The following INIP variants were observed in gnomAD, a reference collection of about 807,000 sequenced individuals.
INIP encodes the protein SOSS complex subunit C.
In INIP, 9 loss-of-function variants were observed where a neutral mutation model predicts 14.0. The ratio of observed to expected loss-of-function variants is 0.64; its 90% CI spans 0.39 to 1.12. The LOEUF (loss-of-function observed/expected upper bound fraction) is 1.12, where lower values mean the gene tolerates loss of function less well. Among genes scored for constraint, INIP ranks in the 50% most tolerant of loss-of-function variants. The pLI, the probability that INIP is intolerant of heterozygous loss-of-function variation, is 0.01. For synonymous variants in INIP, 37 were observed against 41.5 expected, an observed-to-expected ratio of 0.89 and a Z score of 0.41; for missense variants, 78 against 122.7, an observed-to-expected ratio of 0.64 and a Z score of 1.72.
chr9:112,702,785 G>C (rs1205922269), intron 2 of INIP, among the ~76,000 whole-genome samples: 1 of 152,078 alleles, frequency 6.6e-6, no homozygotes, highest in Non-Finnish European at 1.5e-5. Context: ...GGATGGTCTT[G>C]ATCTCTTGAC....
At chr9:112,689,685 G>A in intron 3 of INIP, 68 bp from the exon 4 acceptor site, 1 of 1,175,332 alleles carries the variant, frequency 8.5e-7, no homozygotes. Context: ...TTGGATGGTA[G>A]TAAATTATCT....
intron 2 of INIP, among the ~76,000 whole-genome samples, chr9:112,707,987 A>G (rs1838532442): frequency 6.6e-6 from 1 of 152,244 alleles, no homozygotes; most frequent in Admixed American, 6.5e-5. Context: ...ACATACAGGC[A>G]CAAAGTTAGG....
chr9:112,695,610 C>G (rs931596588), intron 2 of INIP, among the ~76,000 whole-genome samples: 1 of 152,084 alleles, frequency 6.6e-6, no homozygotes, highest in Non-Finnish European at 1.5e-5. Flanking sequence ...AAATAAACCT[C>G]TGGCACATTC....
In INIP at chr9:112,716,468, T is replaced by C. The variant is rs749668103; in HGVS notation, c.18A>G (p.Ser6=). The change falls in exon 2 of 5, where the codon TCA becomes TCG. Residue 6 remains serine (S), a synonymous_variant. Transcript: ENST00000374242. MAANS[S]GQGFQNKNRV... ...AATTCCTGCTGTCATTACCTTGTCC[T>C]GAAGAGTTTGCTGCCATTTTCCTAT... 1.7e-5 allele frequency: 27 copies of C among 1,613,626 alleles called. No homozygotes were observed. The highest frequency in any genetic ancestry group is 5.0e-5 in the Admixed American group (3 of 59,980).
intron 2 of INIP, among the ~76,000 whole-genome samples, chr9:112,695,255 G>GAAAAAAAA (rs60657759): frequency 6.0e-4 from 39 of 64,602 alleles, no homozygotes; most frequent in East Asian, 1.5e-3. Context: ...CAGAACTACA[G>GAAAAAAAA]AAAAAAAAAA....
chr9:112,688,687 GGCATGTGCCTGTAGTCCCAGCA>G (rs1265922467), intron 4 of INIP, among the ~76,000 whole-genome samples: 3 of 151,892 alleles, frequency 2.0e-5, no homozygotes, highest in Non-Finnish European at 4.4e-5. Context: ...TAGGCACAGT[GGCATGTGCCTGTAGTCCCAGCA>G]GCATGTGCCT....
intron 2 of INIP, among the ~76,000 whole-genome samples, chr9:112,699,705 G>A (rs972175550): frequency 2.0e-5 from 3 of 152,090 alleles, no homozygotes; most frequent in African/African-American, 7.2e-5. Flanking sequence ...TTACTGTACA[G>A]ATGTTTGTCA....
intron 2 of INIP, among the ~76,000 whole-genome samples, chr9:112,710,320 G>A (rs748829212): frequency 3.9e-5 from 6 of 152,044 alleles, no homozygotes; most frequent in Non-Finnish European, 5.9e-5. Context: ...AGCATTTTCA[G>A]ATATCTGTAA....
rs572382586 is a variant in INIP at position 112,687,862 on chromosome 9, A to G, written c.220-229T>C. On this transcript the variant is annotated intron_variant, in intron 4 of 4. Transcript: ENST00000374242. Reference sequence around the variant, plus strand: ...GCACTTTGGGAGGCTGAGGTGGGCGAATCACGAGGTCAGGAGATCGAGACC... The same window carrying G: ...GCACTTTGGGAGGCTGAGGTGGGCGGATCACGAGGTCAGGAGATCGAGACC... Among the ~76,000 whole-genome samples the G allele has an allele frequency of 1.2e-3, 187 of 152,054 alleles. 1 individual carries two copies. The highest frequency in any genetic ancestry group is 1.9e-3 in the Non-Finnish European group (128 of 67,960).
intron 2 of INIP, among the ~76,000 whole-genome samples, chr9:112,709,924 A>C (rs1428518764): frequency 6.6e-6 from 1 of 152,260 alleles, no homozygotes; most frequent in Non-Finnish European, 1.5e-5. Context: ...TCTCTTTGCC[A>C]TAGCAATTAA....
intron 2 of INIP, among the ~76,000 whole-genome samples, chr9:112,703,140 T>G (rs1323520393): frequency 6.6e-6 from 1 of 152,156 alleles, no homozygotes; most frequent in Non-Finnish European, 1.5e-5. Flanking sequence ...CTTTGCCAAC[T>G]AGTGAAAAGG....
At chr9:112,695,797 AG>A (rs1838062340) in intron 2 of INIP, among the ~76,000 whole-genome samples, 1 of 118,940 alleles carries the variant, frequency 8.4e-6, no homozygotes, top group East Asian at 2.9e-4. Flanking sequence ...GGGGAGGGGG[AG>A]GAGGAGGAGG....
chr9:112,708,448 A>G (rs1838549960), intron 2 of INIP, among the ~76,000 whole-genome samples: 2 of 152,216 alleles, frequency 1.3e-5, no homozygotes, highest in African/African-American at 4.8e-5. Flanking sequence ...AAACGGATCC[A>G]ATAGCTATTT....
At chr9:112,706,217 A>T (rs1052427375) in intron 2 of INIP, among the ~76,000 whole-genome samples, 6 of 152,222 alleles carry the variant, frequency 3.9e-5, no homozygotes, top group Non-Finnish European at 8.8e-5. Flanking sequence ...ATTGGCAAGG[A>T]TGTGGAGAAA....
rs756250042 is a variant in INIP, at chr9:112,699,163, AT to A, written c.26-4931del. On this transcript the variant is annotated intron_variant, in intron 2 of 4. Coordinates refer to ENST00000374242, the MANE Select transcript of INIP (RefSeq NM_021218.3). ...CAAGACCCTATCTCTTAAAAAAAAAATTTTTTTTTTCCAGTTAGGTGTGGTG... is the reference window on the plus strand; with the variant it reads ...CAAGACCCTATCTCTTAAAAAAAAAATTTTTTTTTCCAGTTAGGTGTGGTG... Among the ~76,000 whole-genome samples the A allele has an allele frequency of 1.6e-4, 24 of 149,674 alleles. No homozygotes were observed. In the East Asian group the frequency reaches 2.1e-3, roughly 13 times the overall value.
At chr9:112,713,654 G>C (rs1838715332) in intron 2 of INIP, among the ~76,000 whole-genome samples, 1 of 151,642 alleles carries the variant, frequency 6.6e-6, no homozygotes, top group South Asian at 2.1e-4. Flanking sequence ...ATCCACCTCA[G>C]AGCCCAGCCT....
chr9:112,715,761 G>A (rs1285530302), intron 2 of INIP, among the ~76,000 whole-genome samples: 5 of 142,186 alleles, frequency 3.5e-5, no homozygotes, highest in South Asian at 2.2e-4. Flanking sequence ...CAACAAGAGC[G>A]AAATTCCATC....
In INIP at chr9:112,689,556, T is replaced by TA; in HGVS notation, c.189dup (p.Ile64TyrfsTer39). 6.2e-7 allele frequency: 1 copy of TA among 1,614,208 alleles called. No individual in the cohort carries two copies. The highest frequency in any genetic ancestry group is 1.1e-5 in the South Asian group (1 of 91,078). On this transcript the variant is annotated frameshift_variant, in exon 4 of 5. Transcript: ENST00000374242. LOFTEE classifies it high-confidence loss of function. Reference sequence around the variant, plus strand: ...AAAGCTGCCTTCTGTTGGGCTGCAATATGCTGCTGCTCAGCGTGATCCCGG... The same window carrying TA: ...AAAGCTGCCTTCTGTTGGGCTGCAATAATGCTGCTGCTCAGCGTGATCCCGG...
intron 3 of INIP, among the ~76,000 whole-genome samples, chr9:112,691,502 G>T (rs1837882873): frequency 6.6e-6 from 1 of 152,206 alleles, no homozygotes; most frequent in Non-Finnish European, 1.5e-5. Flanking sequence ...AGCTGCAAAT[G>T]CGTAAGTGAT....
Sources: gnomAD v4.1 joint callset for allele counts (sites outside exome capture counted in the v4.1 genomes callset) on GRCh38, gnomAD v4.1.1 for gene constraint, MANE v1.5 for transcripts, NCBI Gene and HGNC (gene_info 2026-07-23, HGNC 2026-07-21) for gene names.